The following PCBP3 variants were observed in gnomAD, a reference collection of about 807,000 sequenced individuals.
PCBP3 encodes the protein poly(rC)-binding protein 3.
Under a neutral mutation model 52.7 loss-of-function variants are expected in PCBP3, and 25 were observed. The observed-to-expected ratio is 0.47, with a 90% CI of 0.35 to 0.66. The LOEUF (loss-of-function observed/expected upper bound fraction) is 0.66, where lower values mean the gene tolerates loss of function less well. Ranked by LOEUF, PCBP3 falls within the 30% of genes least tolerant of loss-of-function variation. The pLI, the probability that PCBP3 is intolerant of heterozygous loss-of-function variation, is 0.01. For missense variants in PCBP3, 391 were observed against 490.3 expected, an observed-to-expected ratio of 0.80 and a Z score of 1.91; for synonymous variants, 162 against 183.0, an observed-to-expected ratio of 0.89 and a Z score of 0.93.
At chr21:45,796,802 G>A (rs1290824801) in intron 4 of PCBP3, among the ~76,000 whole-genome samples, 5 of 151,962 alleles carry the variant, frequency 3.3e-5, no homozygotes, top group Non-Finnish European at 7.4e-5. Flanking sequence ...ATTTTCTTTT[G>A]TCTTTTAAAA....
At chr21:45,645,726 T>C (rs190370088) in intron 1 of PCBP3, among the ~76,000 whole-genome samples, 4 of 152,308 alleles carry the variant, frequency 2.6e-5, no homozygotes, top group Admixed American at 2.6e-4. Flanking sequence ...ATTCTGTGTA[T>C]CAGTTTTGAT....
chr21:45,759,613 ATAAAC>A (rs1187450417), intron 4 of PCBP3, among the ~76,000 whole-genome samples: 2 of 152,234 alleles, frequency 1.3e-5, no homozygotes, highest in Non-Finnish European at 2.9e-5. Context: ...ACAAAGAGAT[ATAAAC>A]TATTCAAGAG....
intron 4 of PCBP3, among the ~76,000 whole-genome samples, chr21:45,824,145 T>C (rs1223591792): frequency 2.0e-5 from 3 of 152,202 alleles, no homozygotes; most frequent in Non-Finnish European, 2.9e-5. Context: ...CCATTTGTCA[T>C]TGTCTTGGGC....
intron 5 of PCBP3, among the ~76,000 whole-genome samples, chr21:45,867,021 A>C (rs1398947520): frequency 6.6e-6 from 1 of 152,242 alleles, no homozygotes; most frequent in African/African-American, 2.4e-5. Flanking sequence ...ATTAATGGGC[A>C]TGGGAAGACT....
At chr21:45,651,949 A>C (rs1482169939) in intron 1 of PCBP3, among the ~76,000 whole-genome samples, 3 of 152,206 alleles carry the variant, frequency 2.0e-5, no homozygotes, top group East Asian at 3.8e-4. Flanking sequence ...GTGGTTTTAA[A>C]TTATTCATTA....
intron 3 of PCBP3, among the ~76,000 whole-genome samples, chr21:45,743,673 G>A (rs1163254706): frequency 2.6e-5 from 4 of 152,156 alleles, no homozygotes; most frequent in South Asian, 2.1e-4. Flanking sequence ...TGGAGTTACC[G>A]TTAGTGTTCG....
intron 1 of PCBP3, among the ~76,000 whole-genome samples, chr21:45,654,979 T>A (rs1362752274): frequency 6.6e-6 from 1 of 152,218 alleles, no homozygotes; most frequent in Non-Finnish European, 1.5e-5. Flanking sequence ...ATGTGGCCTT[T>A]TGTGTCTGGC....
At chr21:45,878,289 G>A (rs73911028) in intron 5 of PCBP3, among the ~76,000 whole-genome samples, 7 of 152,142 alleles carry the variant, frequency 4.6e-5, no homozygotes, top group Admixed American at 1.3e-4. Flanking sequence ...CCTCCGGGGT[G>A]GGGGGGTCCT....
intron 16 of PCBP3, among the ~76,000 whole-genome samples, chr21:45,939,407 C>G (rs966415183): frequency 2.6e-5 from 4 of 152,246 alleles, no homozygotes; most frequent in Admixed American, 2.0e-4. Context: ...TTCTTGATGA[C>G]TGCCTTGGCC....
At chr21:45,886,963 G>A (rs554850638) in intron 5 of PCBP3, among the ~76,000 whole-genome samples, 7 of 152,340 alleles carry the variant, frequency 4.6e-5, no homozygotes, top group East Asian at 1.9e-4. Context: ...CGTGTCCTCC[G>A]TGGTGCCTGG....
At chr21:45,774,492 CA>C (rs2090114366) in intron 4 of PCBP3, among the ~76,000 whole-genome samples, 1 of 151,580 alleles carries the variant, frequency 6.6e-6, no homozygotes, top group Non-Finnish European at 1.5e-5. Context: ...TCCTCTTTTT[CA>C]ACTTGGTTTC....
At position 45,917,355 on chromosome 21, in the gene PCBP3, C is replaced by A; in HGVS notation, c.676-233C>A. 12 of 371,180 alleles carry A rather than the reference C, an allele frequency of 3.2e-5. No individual in the cohort carries two copies. Among genetic ancestry groups the A allele is most frequent in the East Asian group, 5.0e-5 (1 of 19,854 alleles). The allele number at this position is 371,180 out of a possible 1,614,324, so 23.0% of individuals were successfully genotyped here. ...TCAAGGCTGAACTGTTTCCCTCCCA[C>A]CCGCTGAACTGGCCAGCTCAGCTCT... On this transcript the variant is annotated intron_variant, in intron 12 of 17. Transcript: ENST00000681687. The surrounding 1 kb of genome is among the most constrained non-coding windows in gnomAD (Gnocchi z 5.3).
At chr21:45,711,688 C>T (rs1266531110) in intron 2 of PCBP3, among the ~76,000 whole-genome samples, 1 of 152,204 alleles carries the variant, frequency 6.6e-6, no homozygotes, top group African/African-American at 2.4e-5. Context: ...TATTCTCCAA[C>T]CCCTTTGTTA....
intron 4 of PCBP3, among the ~76,000 whole-genome samples, chr21:45,820,392 C>A (rs1404330750): frequency 6.6e-6 from 1 of 152,248 alleles, no homozygotes; most frequent in African/African-American, 2.4e-5. Context: ...ATAGGAGTGC[C>A]AGGCCCAGGA....
intron 8 of PCBP3, 72 bp downstream of exon 8, chr21:45,900,695 C>T: frequency 1.8e-6 from 2 of 1,082,700 alleles, no homozygotes; most frequent in Admixed American, 1.7e-5. Context: ...GGCTCTGCCC[C>T]TGCCGACGTC....
chr21:45,768,517 G>A (rs1224125711), intron 4 of PCBP3, among the ~76,000 whole-genome samples: 3 of 152,222 alleles, frequency 2.0e-5, no homozygotes, highest in Non-Finnish European at 4.4e-5. Flanking sequence ...ACATTTTCCA[G>A]TATATCATTA....
chr21:45,743,520 C>T (rs959030611), intron 3 of PCBP3, among the ~76,000 whole-genome samples: 1 of 152,140 alleles, frequency 6.6e-6, no homozygotes, highest in African/African-American at 2.4e-5. Flanking sequence ...GAATTCTGTT[C>T]CTGACATTCC....
rs143307915 is a variant in PCBP3 at position 45,858,457 on chromosome 21, G to T, written c.10+8362G>T. Reference sequence around the variant, plus strand: ...GATAAGCTGTTTATTGACACTGTCAGGGTGAGAGTCAGCAGGACACTGCCT... The same window carrying T: ...GATAAGCTGTTTATTGACACTGTCATGGTGAGAGTCAGCAGGACACTGCCT... On this transcript the variant is annotated intron_variant, in intron 5 of 17. Transcript: ENST00000681687. 993 of 152,408 alleles carry T rather than the reference G, an allele frequency of 6.5e-3. 7 individuals carry two copies. Among genetic ancestry groups the T allele is most frequent in the Non-Finnish European group, 9.0e-3 (614 of 68,100 alleles). 9.4% of individuals were successfully genotyped at this position (152,408 alleles called of 1,614,324 possible).
At chr21:45,807,490 C>G (rs986693030) in intron 4 of PCBP3, among the ~76,000 whole-genome samples, 5 of 152,096 alleles carry the variant, frequency 3.3e-5, no homozygotes, top group African/African-American at 1.2e-4. Flanking sequence ...AAGTGAAGGA[C>G]CTCTTCAAGG....
Sources: allele counts gnomAD v4.1 joint callset (sites outside exome capture counted in the v4.1 genomes callset), GRCh38; gene constraint gnomAD v4.1.1; non-coding constraint Gnocchi (gnomAD v3.1); transcripts MANE v1.5; gene names NCBI Gene and HGNC (gene_info 2026-07-23, HGNC 2026-07-21).